The following ZEB1 variants were observed in gnomAD, a reference collection of about 807,000 sequenced individuals.
ZEB1 encodes zinc finger E-box binding homeobox 1, also known as zinc finger E-box-binding homeobox 1.
Under a neutral mutation model 84.9 loss-of-function variants are expected in ZEB1, and 21 were observed. The ratio of observed to expected loss-of-function variants is 0.25; its 90% CI spans 0.18 to 0.36. The LOEUF is 0.36. Among genes scored for constraint, ZEB1 ranks in the 10% least tolerant of loss-of-function variants. ZEB1 has a pLI of 1.00. For synonymous variants in ZEB1, 420 were observed against 471.1 expected (o/e 0.89, Z 1.41); for missense variants, 1,104 against 1,330.2 (o/e 0.83, Z 2.65).
chr10:31,521,958 G>C, intron 7 of ZEB1, 22 bp downstream of exon 7: 1 of 1,613,838 alleles, frequency 6.2e-7, no homozygotes, highest in Non-Finnish European at 8.5e-7. Flanking sequence ...CCTCCATCCT[G>C]AACCTGGCTA....
intron 1 of ZEB1, among the ~76,000 whole-genome samples, chr10:31,411,258 T>A (rs1368202021): frequency 6.6e-6 from 1 of 152,118 alleles, no homozygotes; most frequent in East Asian, 1.9e-4. Flanking sequence ...TGCTCCTGAA[T>A]GACTACTGGG....
At chr10:31,457,344 G>T (rs2061355440) in intron 1 of ZEB1, among the ~76,000 whole-genome samples, 2 of 139,924 alleles carry the variant, frequency 1.4e-5, no homozygotes, top group Admixed American at 1.4e-4. Flanking sequence ...CAAAATGATA[G>T]ATTCAGAAAT....
At chr10:31,357,215 T>C (rs1255519004) in intron 1 of ZEB1, among the ~76,000 whole-genome samples, 3 of 152,170 alleles carry the variant, frequency 2.0e-5, no homozygotes, top group African/African-American at 7.2e-5. Context: ...CAAAAAGAAA[T>C]TCACTGTCCT....
At chr10:31,387,485 T>G (rs2048836716) in intron 1 of ZEB1, among the ~76,000 whole-genome samples, 1 of 152,166 alleles carries the variant, frequency 6.6e-6, no homozygotes, top group African/African-American at 2.4e-5. Context: ...TTGTTTTACT[T>G]TAAAAAAAAT....
chr10:31,453,368 C>G (rs1452103870), intron 1 of ZEB1, among the ~76,000 whole-genome samples: 1 of 152,150 alleles, frequency 6.6e-6, no homozygotes, highest in Non-Finnish European at 1.5e-5. Context: ...CCCTATCCTG[C>G]TATTCCAAGT....
At chr10:31,334,263 A>C (rs1376869897) in intron 1 of ZEB1, among the ~76,000 whole-genome samples, 1 of 152,134 alleles carries the variant, frequency 6.6e-6, no homozygotes, top group African/African-American at 2.4e-5. Context: ...ATTCTGGTCA[A>C]ATACAGCCAG....
intron 1 of ZEB1, among the ~76,000 whole-genome samples, chr10:31,447,249 T>A (rs1399573923): frequency 2.6e-5 from 4 of 151,676 alleles, no homozygotes; most frequent in Non-Finnish European, 5.9e-5. Context: ...CTGCCTTTTT[T>A]AATTTTCCAT....
At position 31,527,412 on chromosome 10, in the gene ZEB1, AACACACACACACACACACACACACAC is replaced by A. The variant is rs3086583; in HGVS notation, c.*164_*189del. ...AAAACTAAAAAAATACAAAATACAA[AACACACACACACACACACACACACAC>A]ACACACACACACACAAAATAAATCC... On this transcript the variant is annotated 3_prime_UTR_variant, in exon 9 of 9. Coordinates refer to ENST00000424869, the MANE Select transcript of ZEB1 (RefSeq NM_001174096.2). The A allele has an allele frequency of 7.8e-6, 4 of 515,644 alleles. No individual in the cohort carries two copies. The Admixed American group carries it at 9.1e-5, about 12-fold the overall frequency. The allele number at this position is 515,644 out of a possible 1,614,324, so 31.9% of individuals were successfully genotyped here. A position where few individuals can be genotyped will look rare whatever the true frequency, so the allele number is the denominator to read the frequency against.
chr10:31,334,957 C>T (rs775851668), intron 1 of ZEB1, among the ~76,000 whole-genome samples: 3 of 152,066 alleles, frequency 2.0e-5, no homozygotes, highest in Non-Finnish European at 4.4e-5. Context: ...AACAATAATT[C>T]CAGTTGTACA....
At chr10:31,446,566 C>T (rs981591253) in intron 1 of ZEB1, among the ~76,000 whole-genome samples, 8 of 150,078 alleles carry the variant, frequency 5.3e-5, no homozygotes, top group Non-Finnish European at 8.9e-5. Flanking sequence ...ATAAATTTCC[C>T]TCTACACACT....
Position 31,514,590 on chromosome 10 carries a change from T to G in ZEB1, c.688-13T>G, listed in dbSNP as rs1165630785. On this transcript the variant is annotated splice_polypyrimidine_tract_variant and intron_variant, in intron 5 of 8. Coordinates refer to ENST00000424869, the MANE Select transcript of ZEB1 (RefSeq NM_001174096.2). ...TTTGCTTTTCAAATAAAATACCAGT[T>G]CTTTTCTTACAGAGACATGTGACGC... The G allele has an allele frequency of 1.9e-6, 3 of 1,609,468 alleles. No homozygotes were observed. The highest frequency in any genetic ancestry group is 1.7e-6 in the Non-Finnish European group (2 of 1,176,584).
At chr10:31,397,793 A>G (rs1271153164) in intron 1 of ZEB1, among the ~76,000 whole-genome samples, 1 of 152,194 alleles carries the variant, frequency 6.6e-6, no homozygotes, top group African/African-American at 2.4e-5. Context: ...CTCAAAGTCT[A>G]TGGTATTTAC....
In ZEB1 at chr10:31,502,326, TAA is replaced by T; in HGVS notation, c.323-19_323-18del. The stretch of plus-strand genomic sequence containing the variant: ...TAACTTAGTGGTGAGATTGCTGTCT[TAA>T]AAGTATGCATTTTTTTTAGTAAAAG... On this transcript the variant is annotated intron_variant, in intron 3 of 8. Coordinates refer to ENST00000424869, the MANE Select transcript of ZEB1 (RefSeq NM_001174096.2). 6.2e-7 allele frequency: 1 copy of T among 1,613,000 alleles called. No individual in the cohort carries two copies. Among genetic ancestry groups the T allele is most frequent in the Non-Finnish European group, 8.5e-7 (1 of 1,179,298 alleles).
At chr10:31,359,442 A>G (rs990144951) in intron 1 of ZEB1, among the ~76,000 whole-genome samples, 8 of 152,174 alleles carry the variant, frequency 5.3e-5, no homozygotes, top group African/African-American at 1.4e-4. Context: ...ATAAAGTGCT[A>G]TAGGCTCTAA....
chr10:31,468,683 A>G (rs2062755216), intron 2 of ZEB1, among the ~76,000 whole-genome samples: 1 of 152,242 alleles, frequency 6.6e-6, no homozygotes, highest in Non-Finnish European at 1.5e-5. Flanking sequence ...GAATTTATAC[A>G]GAGCCTTGGC....
chr10:31,494,500 A>C (rs568585539), intron 2 of ZEB1, among the ~76,000 whole-genome samples: 3 of 152,034 alleles, frequency 2.0e-5, no homozygotes, highest in African/African-American at 7.2e-5. Flanking sequence ...ACATGCTATA[A>C]TGGGATGCAA....
chr10:31,464,228 C>CT (rs2062124908), intron 2 of ZEB1, among the ~76,000 whole-genome samples: 2 of 152,056 alleles, frequency 1.3e-5, no homozygotes, highest in South Asian at 4.1e-4. Context: ...AAACAGGTGC[C>CT]TGTAGTCCCA....
At chr10:31,438,997 G>C (rs988426971) in intron 1 of ZEB1, among the ~76,000 whole-genome samples, 6 of 151,948 alleles carry the variant, frequency 3.9e-5, no homozygotes, top group Non-Finnish European at 7.4e-5. Context: ...CTTTTTCTTT[G>C]CACATTTAAA....
At chr10:31,464,989 A>G (rs926132475) in intron 2 of ZEB1, among the ~76,000 whole-genome samples, 1 of 152,232 alleles carries the variant, frequency 6.6e-6, no homozygotes, top group African/African-American at 2.4e-5. Flanking sequence ...ATAGTGAGAA[A>G]GAATGAATAA....
Sources: gnomAD v4.1 joint callset for allele counts (sites outside exome capture counted in the v4.1 genomes callset) on GRCh38, gnomAD v4.1.1 for gene constraint, MANE v1.5 for transcripts, NCBI Gene and HGNC (gene_info 2026-07-23, HGNC 2026-07-21) for gene names.